NUP93: variants seen among roughly 807,000 people sequenced by gnomAD.
NUP93 encodes the protein nucleoporin 93, also known as nuclear pore complex protein Nup93.
NUP93 carries 55 observed loss-of-function variants against 107.8 expected under a neutral mutation model. The observed-to-expected ratio is 0.51, with a 90% CI of 0.41 to 0.64. The LOEUF (loss-of-function observed/expected upper bound fraction) is 0.64. Among genes scored for constraint, NUP93 ranks in the 30% least tolerant of loss-of-function variants. NUP93 has a pLI of 0.00. For synonymous variants in NUP93, 390 were observed against 397.5 expected, an observed-to-expected ratio of 0.98 and a Z score of 0.22; for missense variants, 937 against 1,044.7, an observed-to-expected ratio of 0.90 and a Z score of 1.42.
intron 3 of NUP93, among the ~76,000 whole-genome samples, chr16:56,779,197 T>G (rs1322110094): frequency 1.3e-5 from 2 of 152,194 alleles, no homozygotes; most frequent in African/African-American, 4.8e-5. Flanking sequence ...CTGGGTAAAG[T>G]TCTATATATG....
At chr16:56,806,803 A>AC (rs1963151238) in intron 5 of NUP93, among the ~76,000 whole-genome samples, 1 of 152,114 alleles carries the variant, frequency 6.6e-6, no homozygotes, top group Non-Finnish European at 1.5e-5. Flanking sequence ...GTTAGAAGTC[A>AC]CTAAATCCAG....
intron 3 of NUP93, among the ~76,000 whole-genome samples, chr16:56,792,724 G>A (rs1226424069): frequency 1.3e-5 from 2 of 152,220 alleles, no homozygotes; most frequent in South Asian, 2.1e-4. Flanking sequence ...TATGCCATAA[G>A]CATACTCTGA....
intron 3 of NUP93, among the ~76,000 whole-genome samples, chr16:56,796,571 C>A (rs990606165): frequency 1.3e-5 from 2 of 152,208 alleles, no homozygotes; most frequent in African/African-American, 4.8e-5. Flanking sequence ...AACTAATTAA[C>A]CATGACAGTA....
chr16:56,788,410 C>A (rs1379744691), intron 3 of NUP93, among the ~76,000 whole-genome samples: 1 of 152,254 alleles, frequency 6.6e-6, no homozygotes, highest in Non-Finnish European at 1.5e-5. Context: ...TACAACCCTA[C>A]AAGGGTAGCA....
chr16:56,846,863 C>T lies in NUP93; in HGVS notation c.*2254C>T, dbSNP rs568960984. The T allele has an allele frequency of 1.3e-5, 2 of 152,330 alleles. No individual in the cohort carries two copies. Among genetic ancestry groups the T allele is most frequent in the South Asian group, 2.1e-4 (1 of 4,826 alleles). 9.4% of individuals were successfully genotyped at this position (152,330 alleles called of 1,614,324 possible). ...TAAATACATGTTTGCTCCTGGCTTA[C>T]CTCTTCTTCACTATCCCATGAGAAT... On this transcript the variant is annotated 3_prime_UTR_variant, in exon 22 of 22. Coordinates refer to ENST00000308159, the MANE Select transcript of NUP93 (RefSeq NM_014669.5).
Position 56,757,916 on chromosome 16 carries a change from G to A in NUP93, c.180-622G>A, listed in dbSNP as rs767517790. ...ATTGTAGTTCACTGTATTCATCTAC[G>A]GAGGCTGTAAGTGTAGGATGGTGGT... On this transcript the variant is annotated intron_variant, in intron 2 of 21. Coordinates refer to ENST00000308159, the MANE Select transcript of NUP93 (RefSeq NM_014669.5). 5.9e-5 allele frequency among the ~76,000 whole-genome samples: 9 copies of A among 152,108 alleles called. No homozygotes were observed. In the East Asian group the frequency reaches 9.6e-4, roughly 16 times the overall value.
At position 56,847,906 on chromosome 16, in the gene NUP93, G is replaced by C. The variant is rs1485457579; in HGVS notation, c.*3297G>C. On this transcript the variant is annotated 3_prime_UTR_variant, in exon 22 of 22. Transcript: ENST00000308159. Reference sequence around the variant, plus strand: ...ATGCATCATTTAAATCCTAGAACAGGCAGCTTTAAAGCAAAGAACTACAGA... The same window carrying C: ...ATGCATCATTTAAATCCTAGAACAGCCAGCTTTAAAGCAAAGAACTACAGA... 6.6e-6 allele frequency: 1 copy of C among 152,104 alleles called. No individual in the cohort carries two copies. Among genetic ancestry groups the C allele is most frequent in the African/African-American group, 2.4e-5 (1 of 41,408 alleles). The allele number at this position is 152,104 out of a possible 1,614,324, so 9.4% of individuals were successfully genotyped here.
At position 56,742,896 on chromosome 16, in the gene NUP93, C is replaced by T. The variant is rs141574302; in HGVS notation, c.-14-5338C>T. Among the ~76,000 whole-genome samples the T allele has an allele frequency of 1.3e-3, 201 of 152,304 alleles. 1 individual carries two copies. The highest frequency in any genetic ancestry group is 4.7e-3 in the African/African-American group (194 of 41,564). ...AGTAAAGGAAGAGAGGTATTCTACT[C>T]ATGGCTGATGCTTTAAAAATAAAAG... On this transcript the variant is annotated intron_variant, in intron 1 of 21. Coordinates refer to ENST00000308159, the MANE Select transcript of NUP93 (RefSeq NM_014669.5).
At chr16:56,843,194 G>A (rs1862992418) in intron 21 of NUP93, among the ~76,000 whole-genome samples, 1 of 152,244 alleles carries the variant, frequency 6.6e-6, no homozygotes, top group African/African-American at 2.4e-5. Flanking sequence ...GAGTCTAAAT[G>A]TCAGATGTGC....
At chr16:56,736,307 T>G (rs924883194) in intron 1 of NUP93, among the ~76,000 whole-genome samples, 2 of 152,252 alleles carry the variant, frequency 1.3e-5, no homozygotes, top group African/African-American at 2.4e-5. Context: ...CACTCCAGCC[T>G]GGGCAACAAA....
intron 1 of NUP93, among the ~76,000 whole-genome samples, chr16:56,741,299 T>G (rs1194265381): frequency 7.2e-5 from 11 of 152,224 alleles, no homozygotes; most frequent in African/African-American, 2.7e-4. Flanking sequence ...TAAAATAGCA[T>G]TTTACAATGA....
chr16:56,749,106 G>A (rs1961872682), intron 2 of NUP93, among the ~76,000 whole-genome samples: 3 of 152,190 alleles, frequency 2.0e-5, no homozygotes, highest in Non-Finnish European at 4.4e-5. Flanking sequence ...TAAGGTCCAC[G>A]CTGTGCCAGG....
At position 56,834,260 on chromosome 16, in the gene NUP93, A is replaced by G. The variant is rs984071533; in HGVS notation, c.1664+6A>G. 5 of 1,613,784 alleles carry G rather than the reference A, an allele frequency of 3.1e-6. No individual in the cohort carries two copies. The highest frequency in any genetic ancestry group is 2.2e-5 in the East Asian group (1 of 44,898). ...CAGTACTTCTATTTCCTCAGGTAAC[A>G]TTTGCTTTTGACCATTTACTTCAGC... On this transcript the variant is annotated splice_donor_region_variant and intron_variant, in intron 14 of 21. Coordinates refer to ENST00000308159, the MANE Select transcript of NUP93 (RefSeq NM_014669.5).
intron 10 of NUP93, 37 bp from the exon 11 acceptor site, chr16:56,831,805 A>T (rs1209499832): frequency 1.3e-6 from 2 of 1,592,706 alleles, no homozygotes; most frequent in South Asian, 2.3e-5. Context: ...ATTTTTATTG[A>T]GTATGTATCT....
chr16:56,738,789 A>C (rs1030737741), intron 1 of NUP93, among the ~76,000 whole-genome samples: 1 of 152,178 alleles, frequency 6.6e-6, no homozygotes, highest in Non-Finnish European at 1.5e-5. Flanking sequence ...TAAACTTTTG[A>C]TACCTTGGGT....
At chr16:56,813,731 C>T (rs2144593505) in intron 5 of NUP93, among the ~76,000 whole-genome samples, 1 of 152,286 alleles carries the variant, frequency 6.6e-6, no homozygotes, top group East Asian at 1.9e-4. Flanking sequence ...CAAATAGTAT[C>T]ATTTTATATA....
chr16:56,762,429 T>C (rs1474062731), intron 3 of NUP93, among the ~76,000 whole-genome samples: 4 of 152,174 alleles, frequency 2.6e-5, no homozygotes, highest in Non-Finnish European at 5.9e-5. Flanking sequence ...TCAAAATAAC[T>C]AAGAGTGGAA....
At chr16:56,790,450 AAGGG>A (rs1244290923) in intron 3 of NUP93, among the ~76,000 whole-genome samples, 1 of 152,188 alleles carries the variant, frequency 6.6e-6, no homozygotes, top group East Asian at 1.9e-4. Context: ...GGCACCACAA[AAGGG>A]AGCTAATGAA....
chr16:56,806,927 C>G (rs569704894), intron 5 of NUP93, among the ~76,000 whole-genome samples: 1 of 152,168 alleles, frequency 6.6e-6, no homozygotes, highest in Non-Finnish European at 1.5e-5. Context: ...TGCTGTTGCA[C>G]GCTGCTACAG....
Sources: allele counts gnomAD v4.1 joint callset (sites outside exome capture counted in the v4.1 genomes callset), GRCh38; gene constraint gnomAD v4.1.1; transcripts MANE v1.5; gene names NCBI Gene and HGNC (gene_info 2026-07-23, HGNC 2026-07-21).